Variants in F9 observed in about 807,000 individuals in gnomAD.
F9 encodes the protein Christmas factor.
Under a neutral mutation model 34.1 loss-of-function variants are expected in F9, and 2 were observed. The observed-to-expected ratio is 0.06, with a 90% CI of 0.02 to 0.18. F9 has a LOEUF of 0.18. Ranked by LOEUF, F9 falls within the 10% of genes least tolerant of loss-of-function variation. The pLI is 1.00. For missense variants in F9, 216 were observed against 345.1 expected, an observed-to-expected ratio of 0.63 and a Z score of 2.96; for synonymous variants, 137 against 118.8, an observed-to-expected ratio of 1.15 and a Z score of -1.00.
intron 1 of F9, among the ~76,000 whole-genome samples, chrX:139,535,014 C>T (rs982731562): frequency 1.8e-5 from 2 of 111,408 alleles, no homozygotes; most frequent in Non-Finnish European, 3.8e-5. Flanking sequence ...GTGGGCACAG[C>T]ATTGCAAACG....
intron 6 of F9, among the ~76,000 whole-genome samples, chrX:139,553,179 T>C (rs997976619): frequency 8.1e-5 from 9 of 111,731 alleles, no homozygotes; most frequent in African/African-American, 2.9e-4. Context: ...GTATGTTCCT[T>C]TTTACCTCCT....
At chrX:139,535,592 A>G (rs976956262) in intron 1 of F9, among the ~76,000 whole-genome samples, 7 of 111,088 alleles carry the variant, frequency 6.3e-5, no homozygotes, top group African/African-American at 2.3e-4. Context: ...GTAGTCCCAA[A>G]TACCCCAGAA....
At position 139,560,782 on chromosome X, in the gene F9, T is replaced by A; in HGVS notation, c.765T>A (p.Ser255=). Reference sequence around the variant, plus strand: ...AAGTTGATGCATTCTGTGGAGGCTCTATCGTTAATGAAAAATGGATTGTAA... The same window carrying A: ...AAGTTGATGCATTCTGTGGAGGCTCAATCGTTAATGAAAAATGGATTGTAA... The part of the protein sequence containing the change: ...NGKVDAFCGG[S]IVNEKWIVTA... The change falls in exon 7 of 8, where the codon TCT becomes TCA. Residue 255 remains serine (S), a synonymous_variant. Transcript: ENST00000218099. 8.3e-7 allele frequency: 1 copy of A among 1,210,877 alleles called. No individual in the cohort carries two copies. The highest frequency in any genetic ancestry group is 1.1e-6 in the Non-Finnish European group (1 of 894,667).
rs1303808685 is a variant in F9 at position 139,563,414 on chromosome X, C to T, written c.*1343C>T. On this transcript the variant is annotated 3_prime_UTR_variant, in exon 8 of 8. Coordinates refer to ENST00000218099, the MANE Select transcript of F9 (RefSeq NM_000133.4). ...TTCTAGAGAGTTGCTGACCAACTGA[C>T]GTATGTTTCCCTTTGTGAATTAATA... 2 of 111,649 alleles carry T rather than the reference C, an allele frequency of 1.8e-5. No individual in the cohort carries two copies. Among genetic ancestry groups the T allele is most frequent in the Non-Finnish European group, 3.8e-5 (2 of 53,143 alleles). The allele number at this position is 111,649 out of a possible 1,213,427, so 9.2% of individuals were successfully genotyped here. A position where few individuals can be genotyped will look rare whatever the true frequency, so the allele number is the denominator to read the frequency against.
Position 139,562,145 on chromosome X carries a change from C to T in F9, c.*74C>T, listed in dbSNP as rs1928137622. 1 of 910,517 alleles carries T rather than the reference C, an allele frequency of 1.1e-6. No individual in the cohort carries two copies. The highest frequency in any genetic ancestry group is 1.9e-5 in the African/African-American group (1 of 51,750). 75.0% of individuals were successfully genotyped at this position (910,517 alleles called of 1,213,427 possible). A position where few individuals can be genotyped will look rare whatever the true frequency, so the allele number is the denominator to read the frequency against. On this transcript the variant is annotated 3_prime_UTR_variant, in exon 8 of 8. Transcript: ENST00000218099. Reference sequence around the variant, plus strand: ...GGCCTCTCACTAACTAATCACTTTCCCATCTTTTGTTAGATTTGAATATAT... The same window carrying T: ...GGCCTCTCACTAACTAATCACTTTCTCATCTTTTGTTAGATTTGAATATAT...
intron 1 of F9, among the ~76,000 whole-genome samples, chrX:139,531,792 C>T (rs1335848749): frequency 8.9e-6 from 1 of 112,128 alleles, no homozygotes; most frequent in Non-Finnish European, 1.9e-5. Context: ...CCCCAGAAAG[C>T]TGACTGGCCC....
chrX:139,553,496 C>T (rs1027307556), intron 6 of F9, among the ~76,000 whole-genome samples: 1 of 111,474 alleles, frequency 9.0e-6, no homozygotes, highest in African/African-American at 3.3e-5. Flanking sequence ...CAATTATCTT[C>T]CTTGGGTTTG....
chrX:139,542,728 T>C (rs1375166660), intron 4 of F9, among the ~76,000 whole-genome samples: 1 of 111,767 alleles, frequency 8.9e-6, no homozygotes, highest in African/African-American at 3.3e-5. Context: ...GGAATGTAAA[T>C]ATAAGCACAA....
chrX:139,534,879 A>G (rs1927420657), intron 1 of F9, among the ~76,000 whole-genome samples: 1 of 111,384 alleles, frequency 9.0e-6, no homozygotes, highest in Non-Finnish European at 1.9e-5. Flanking sequence ...GGAGGCTGTG[A>G]GGCATCAATA....
intron 6 of F9, among the ~76,000 whole-genome samples, chrX:139,556,266 T>A (rs995883565): frequency 8.9e-6 from 1 of 112,263 alleles, no homozygotes; most frequent in Admixed American, 9.5e-5. Flanking sequence ...GTTAACCGTA[T>A]TAACCTACAG....
chrX:139,533,363 A>AT (rs1927387370), intron 1 of F9, among the ~76,000 whole-genome samples: 1 of 112,251 alleles, frequency 8.9e-6, no homozygotes, highest in Non-Finnish European at 1.9e-5. Context: ...TTCCTCATTC[A>AT]TAAAAATAAG....
chrX:139,540,977 C>T lies in F9; in HGVS notation c.278-99C>T, dbSNP rs184914760. 1.8e-4 allele frequency: 106 copies of T among 590,804 alleles called. 1 individual carries two copies. The Admixed American group carries it at 2.5e-3, about 14-fold the overall frequency. The allele number at this position is 590,804 out of a possible 1,213,427, so 48.7% of individuals were successfully genotyped here. ...TTCCAGGTCAGTAGTTTTGCTCTGACCCTAAAATCAGACTCCCATCCCAAT... is the reference window on the plus strand; with the variant it reads ...TTCCAGGTCAGTAGTTTTGCTCTGATCCTAAAATCAGACTCCCATCCCAAT... On this transcript the variant is annotated intron_variant, in intron 3 of 7. Transcript: ENST00000218099.
intron 5 of F9, among the ~76,000 whole-genome samples, chrX:139,548,733 T>G (rs1241328641): frequency 8.9e-6 from 1 of 112,031 alleles, no homozygotes; most frequent in Non-Finnish European, 1.9e-5. Flanking sequence ...TTCTCTAACA[T>G]TTATATCACA....
chrX:139,540,275 T>G (rs1288960191), intron 3 of F9, among the ~76,000 whole-genome samples: 4 of 112,064 alleles, frequency 3.6e-5, no homozygotes, highest in Non-Finnish European at 7.5e-5. Flanking sequence ...TCCTTCCTCC[T>G]GTTTTCTTAC....
chrX:139,550,328 T>C lies in F9; in HGVS notation c.521-734T>C, dbSNP rs765700882. On this transcript the variant is annotated intron_variant, in intron 5 of 7. Transcript: ENST00000218099. ...AGCTGGTTGCTATAGAAATGTCTGTTACAAGGAATGTGGCTTGAAGGAAAG... is the reference window on the plus strand; with the variant it reads ...AGCTGGTTGCTATAGAAATGTCTGTCACAAGGAATGTGGCTTGAAGGAAAG... Among the ~76,000 whole-genome samples, 3 of 112,012 alleles carry C rather than the reference T, an allele frequency of 2.7e-5. No individual in the cohort carries two copies. In the South Asian group the frequency reaches 1.1e-3, roughly 42 times the overall value.
chrX:139,556,972 A>T (rs1003151711), intron 6 of F9, among the ~76,000 whole-genome samples: 1 of 112,199 alleles, frequency 8.9e-6, no homozygotes, highest in Non-Finnish European at 1.9e-5. Context: ...GTTACGTTGG[A>T]GTTAAAGGTT....
intron 6 of F9, among the ~76,000 whole-genome samples, chrX:139,551,630 A>C (rs1358259466): frequency 3.6e-5 from 4 of 111,251 alleles, no homozygotes; most frequent in Non-Finnish European, 5.7e-5. Context: ...CTTTAGGCTA[A>C]GAAAAATTGG....
At chrX:139,554,323 C>T (rs1326918791) in intron 6 of F9, among the ~76,000 whole-genome samples, 1 of 112,075 alleles carries the variant, frequency 8.9e-6, no homozygotes, top group Non-Finnish European at 1.9e-5. Flanking sequence ...ATTTCATCCA[C>T]ATGAACTAAG....
At chrX:139,542,174 A>G (rs1927617550) in intron 4 of F9, among the ~76,000 whole-genome samples, 1 of 112,223 alleles carries the variant, frequency 8.9e-6, no homozygotes, top group Non-Finnish European at 1.9e-5. Context: ...CACTCGTCCT[A>G]TTGAGAAAGG....
Sources: gnomAD v4.1 joint callset for allele counts (sites outside exome capture counted in the v4.1 genomes callset) on GRCh38, gnomAD v4.1.1 for gene constraint, MANE v1.5 for transcripts, NCBI Gene and HGNC (gene_info 2026-07-23, HGNC 2026-07-21) for gene names.